The following MACROD2 variants were observed in gnomAD, a reference collection of about 807,000 sequenced individuals.
MACROD2 encodes the protein ADP-ribose glycohydrolase MACROD2.
In MACROD2, 36 loss-of-function variants were observed where a neutral mutation model predicts 70.4. That is an observed-to-expected ratio of 0.51 (90% CI 0.39 to 0.68). The LOEUF (loss-of-function observed/expected upper bound fraction) is 0.68, where lower values mean the gene tolerates loss of function less well. MACROD2 is among the 30% of genes least tolerant of loss of function. The probability of loss-of-function intolerance (pLI) is 0.00; values close to 1 mark genes in which losing one functional copy is unlikely to be tolerated. For missense variants in MACROD2, 496 were observed against 538.4 expected (o/e 0.92, Z 0.78); for synonymous variants, 172 against 178.8 (o/e 0.96, Z 0.30).
intron 8 of MACROD2, among the ~76,000 whole-genome samples, chr20:15,640,064 C>T (rs894566166): frequency 9.4e-5 from 12 of 128,010 alleles, no homozygotes; most frequent in African/African-American, 3.4e-4. Flanking sequence ...AGAAAGGGGG[C>T]GTGAGAGAAG....
At chr20:14,996,929 T>A (rs2074955018) in intron 5 of MACROD2, among the ~76,000 whole-genome samples, 1 of 152,164 alleles carries the variant, frequency 6.6e-6, no homozygotes, top group South Asian at 2.1e-4. Context: ...AAATTTGAAA[T>A]AAATTTGCCT....
chr20:14,645,237 C>G (rs1009409705), intron 4 of MACROD2, among the ~76,000 whole-genome samples: 7 of 152,008 alleles, frequency 4.6e-5, no homozygotes, highest in Admixed American at 2.0e-4. Context: ...ATTTATTAAA[C>G]ATATTTACAA....
At chr20:15,337,173 A>G (rs2078057696) in intron 6 of MACROD2, among the ~76,000 whole-genome samples, 2 of 151,826 alleles carry the variant, frequency 1.3e-5, no homozygotes, top group Admixed American at 1.3e-4. Flanking sequence ...TTTACAAAAT[A>G]TGCTGAGTAT....
chr20:15,184,707 C>T (rs1194731479), intron 5 of MACROD2, among the ~76,000 whole-genome samples: 5 of 152,192 alleles, frequency 3.3e-5, no homozygotes, highest in African/African-American at 1.2e-4. Flanking sequence ...CCAGGTGCGA[C>T]AATTCTGGGA....
At chr20:14,399,976 G>A (rs990196015) in intron 3 of MACROD2, among the ~76,000 whole-genome samples, 13 of 152,012 alleles carry the variant, frequency 8.6e-5, no homozygotes, top group African/African-American at 1.7e-4. Context: ...CTACTTGGAT[G>A]TACAGAATAT....
chr20:15,858,393 G>A (rs1162286034), intron 8 of MACROD2, among the ~76,000 whole-genome samples: 5 of 152,016 alleles, frequency 3.3e-5, no homozygotes, highest in African/African-American at 1.2e-4. Flanking sequence ...TTTTTCCTTT[G>A]TACAAGTCAG....
At chr20:14,970,075 T>C (rs2074676636) in intron 5 of MACROD2, among the ~76,000 whole-genome samples, 1 of 152,084 alleles carries the variant, frequency 6.6e-6, no homozygotes, top group South Asian at 2.1e-4. Context: ...TTTAATTAAC[T>C]CACAGTTCCA....
At chr20:15,624,068 C>A (rs983229743) in intron 8 of MACROD2, among the ~76,000 whole-genome samples, 1 of 152,114 alleles carries the variant, frequency 6.6e-6, no homozygotes, top group Non-Finnish European at 1.5e-5. Context: ...GTAGGGAAGC[C>A]AACAGTGCAG....
chr20:14,353,697 C>T (rs991259781), intron 3 of MACROD2, among the ~76,000 whole-genome samples: 5 of 152,142 alleles, frequency 3.3e-5, no homozygotes, highest in Admixed American at 3.3e-4. Flanking sequence ...GAATCAGGCG[C>T]AGACAAAACC....
At chr20:15,672,872 G>C (rs2050000487) in intron 8 of MACROD2, among the ~76,000 whole-genome samples, 1 of 152,082 alleles carries the variant, frequency 6.6e-6, no homozygotes, top group Non-Finnish European at 1.5e-5. Flanking sequence ...GTAGGTAATT[G>C]AATGATGGGT....
At chr20:15,172,608 C>G (rs142725031) in intron 5 of MACROD2, among the ~76,000 whole-genome samples, 2 of 152,170 alleles carry the variant, frequency 1.3e-5, no homozygotes, top group Non-Finnish European at 2.9e-5. Context: ...TGGGATCTCA[C>G]TATATTTCCC....
At chr20:14,980,521 G>C (rs1272021897) in intron 5 of MACROD2, among the ~76,000 whole-genome samples, 9 of 152,130 alleles carry the variant, frequency 5.9e-5, no homozygotes, top group Non-Finnish European at 5.9e-5. Flanking sequence ...AACAGACTAA[G>C]ACACGCCCTA....
At chr20:14,677,861 G>A (rs913483132) in intron 4 of MACROD2, among the ~76,000 whole-genome samples, 1 of 152,110 alleles carries the variant, frequency 6.6e-6, no homozygotes, top group Non-Finnish European at 1.5e-5. Context: ...AGGGCAATGA[G>A]CTTGGCCAAT....
intron 8 of MACROD2, among the ~76,000 whole-genome samples, chr20:15,521,777 C>T (rs936833874): frequency 2.0e-5 from 3 of 152,124 alleles, no homozygotes; most frequent in Admixed American, 1.3e-4. Context: ...GCTAACACAG[C>T]TCAAAATAAA....
At chr20:15,064,686 A>C (rs1055654000) in intron 5 of MACROD2, among the ~76,000 whole-genome samples, 3 of 152,220 alleles carry the variant, frequency 2.0e-5, no homozygotes, top group African/African-American at 7.2e-5. Flanking sequence ...AGGCAAATGC[A>C]GCCATCCATT....
chr20:14,183,982 A>T (rs887906074), intron 3 of MACROD2, among the ~76,000 whole-genome samples: 2 of 152,064 alleles, frequency 1.3e-5, no homozygotes, highest in Admixed American at 1.3e-4. Flanking sequence ...TTCATTCTCT[A>T]GGTTGTCTGT....
intron 3 of MACROD2, among the ~76,000 whole-genome samples, chr20:14,285,031 G>A (rs2082332923): frequency 6.6e-6 from 1 of 152,056 alleles, no homozygotes; most frequent in South Asian, 2.1e-4. Context: ...TCTGTTATTT[G>A]GAACTCTATA....
chr20:14,421,598 T>A (rs1209345269), intron 3 of MACROD2, among the ~76,000 whole-genome samples: 1 of 152,190 alleles, frequency 6.6e-6, no homozygotes, highest in Non-Finnish European at 1.5e-5. Context: ...TTTTGTTTGT[T>A]GTGATTTTAT....
intron 7 of MACROD2, among the ~76,000 whole-genome samples, chr20:15,494,747 G>C (rs942339802): frequency 2.4e-5 from 2 of 82,764 alleles, no homozygotes; most frequent in African/African-American, 5.9e-5. Context: ...GTGTGTGTGT[G>C]TGTGTGTGTG....
Sources: gnomAD v4.1 joint callset for allele counts (sites outside exome capture counted in the v4.1 genomes callset) on GRCh38, gnomAD v4.1.1 for gene constraint, MANE v1.5 for transcripts, NCBI Gene and HGNC (gene_info 2026-07-23, HGNC 2026-07-21) for gene names.